Variants in KCNH1 observed in about 807,000 individuals in gnomAD.
The protein encoded by KCNH1 is voltage-gated delayed rectifier potassium channel KCNH1.
A neutral mutation model predicts 69.2 loss-of-function variants in KCNH1; 27 were observed. The observed-to-expected ratio is 0.39, with a 90% confidence interval of 0.29 to 0.54. KCNH1 has a LOEUF of 0.54. KCNH1 is among the 20% of genes least tolerant of loss of function. The probability of loss-of-function intolerance (pLI) is 0.68; values close to 1 mark genes in which losing one functional copy is unlikely to be tolerated. For synonymous variants in KCNH1, 456 were observed against 487.7 expected (o/e 0.93, Z 0.86); for missense variants, 798 against 1,261.6 (o/e 0.63, Z 5.57).
In KCNH1 at chr1:210,678,405, T is replaced by C. The variant is rs1681187016; in HGVS notation, c.*4876A>G. 6.6e-6 allele frequency: 1 copy of C among 152,064 alleles called. No homozygotes were observed. The highest frequency in any genetic ancestry group is 2.4e-5 in the African/African-American group (1 of 41,400). 9.4% of individuals were successfully genotyped at this position (152,064 alleles called of 1,614,324 possible). Reference sequence around the variant, plus strand: ...TTGTTTAAAAATGTTGAGAAGGGAATATCATCAATGGAAGGGCCTGCACGT... The same window carrying C: ...TTGTTTAAAAATGTTGAGAAGGGAACATCATCAATGGAAGGGCCTGCACGT... On this transcript the variant is annotated 3_prime_UTR_variant, in exon 11 of 11. Transcript: ENST00000271751.
At chr1:210,813,025 T>C (rs1684739150) in intron 7 of KCNH1, among the ~76,000 whole-genome samples, 1 of 152,218 alleles carries the variant, frequency 6.6e-6, no homozygotes, top group Admixed American at 6.5e-5. Flanking sequence ...GTCTGCTTGC[T>C]TCCCCCTGGG....
intron 6 of KCNH1, among the ~76,000 whole-genome samples, chr1:210,946,023 T>C (rs1380597681): frequency 6.6e-6 from 1 of 152,206 alleles, no homozygotes; most frequent in Non-Finnish European, 1.5e-5. Context: ...CCCAGAACAC[T>C]GCCAGTATAG....
At chr1:210,718,394 A>T (rs1412949118) in intron 10 of KCNH1, among the ~76,000 whole-genome samples, 3 of 188 alleles carry the variant, frequency 0.016, no homozygotes, top group East Asian at 0.12. Context: ...ATTTATATAT[A>T]AAATATATGC....
At chr1:211,080,086 A>T (rs576681494) in intron 5 of KCNH1, among the ~76,000 whole-genome samples, 3 of 152,306 alleles carry the variant, frequency 2.0e-5, no homozygotes, top group Admixed American at 2.0e-4. Context: ...CTCAGCCCAA[A>T]ATCTCCTTAA....
chr1:211,052,207 A>T (rs1182344920), intron 5 of KCNH1, among the ~76,000 whole-genome samples: 1 of 152,224 alleles, frequency 6.6e-6, no homozygotes, highest in Non-Finnish European at 1.5e-5. Flanking sequence ...GAAAAGAGAG[A>T]GCTGATCAGA....
chr1:210,734,669 C>T (rs942410680), intron 10 of KCNH1, among the ~76,000 whole-genome samples: 1 of 151,988 alleles, frequency 6.6e-6, no homozygotes, highest in Non-Finnish European at 1.5e-5. Flanking sequence ...CCCTCTGCAC[C>T]ATGTATGGAA....
At chr1:211,045,531 G>A (rs1194593669) in intron 5 of KCNH1, among the ~76,000 whole-genome samples, 2 of 152,024 alleles carry the variant, frequency 1.3e-5, no homozygotes, top group Non-Finnish European at 2.9e-5. Flanking sequence ...CTTTACTGAG[G>A]TATGATTGTA....
intron 5 of KCNH1, among the ~76,000 whole-genome samples, chr1:211,033,068 A>G (rs919587534): frequency 6.6e-6 from 1 of 152,262 alleles, no homozygotes; most frequent in Non-Finnish European, 1.5e-5. Flanking sequence ...TTTACAAGAA[A>G]AAAACAAACA....
intron 1 of KCNH1, among the ~76,000 whole-genome samples, chr1:211,114,478 C>A (rs1691531910): frequency 6.6e-6 from 1 of 152,208 alleles, no homozygotes. Context: ...CTATGTATGT[C>A]TGAGTAAATT....
Position 210,775,507 on chromosome 1 carries a change from T to A in KCNH1, c.1953A>T (p.Glu651Asp). 6.2e-7 allele frequency: 1 copy of A among 1,614,032 alleles called. No individual in the cohort carries two copies. Among genetic ancestry groups the A allele is most frequent in the Non-Finnish European group, 8.5e-7 (1 of 1,179,938 alleles). The change falls in exon 10 of 11, where the codon GAA (glutamate) becomes GAT (aspartate). Residue 651 changes from glutamate (E) to aspartate (D), a missense_variant. Physicochemically the swap from Glu to Asp is conservative, Grantham distance 45. Around this residue, in one of 4 missense-constraint regions of KCNH1, gnomAD observed 197 missense variants for 407.7 expected, o/e 0.48. Coordinates refer to ENST00000271751, the MANE Select transcript of KCNH1 (RefSeq NM_172362.3). ...TGGCACAGGACTGGGCAAGGGTGGCTTCCTTCCAGAACACATCTCCAAACA... is the reference window on the plus strand; with the variant it reads ...TGGCACAGGACTGGGCAAGGGTGGCATCCTTCCAGAACACATCTCCAAACA... ...GDVFGDVFWKEATLAQSCANV... is the reference protein window; with the variant it reads ...GDVFGDVFWKDATLAQSCANV...
intron 10 of KCNH1, among the ~76,000 whole-genome samples, chr1:210,702,810 TA>T (rs1681817088): frequency 6.6e-6 from 1 of 152,246 alleles, no homozygotes; most frequent in African/African-American, 2.4e-5. Flanking sequence ...TTTTCCATTT[TA>T]GCCCCTTCTG....
chr1:211,010,703 G>A lies in KCNH1; in HGVS notation c.1032+8080C>T, dbSNP rs892157987. On this transcript the variant is annotated intron_variant, in intron 6 of 10. Coordinates refer to ENST00000271751, the MANE Select transcript of KCNH1 (RefSeq NM_172362.3). Reference sequence around the variant, plus strand: ...AACACCTTGAACTGACCCCTAGAATGCCCCTCACATTCTCTGCCAAGGTCT... The same window carrying A: ...AACACCTTGAACTGACCCCTAGAATACCCCTCACATTCTCTGCCAAGGTCT... 6.2e-4 allele frequency among the ~76,000 whole-genome samples: 94 copies of A among 152,218 alleles called. 1 individual carries two copies. Among genetic ancestry groups the A allele is most frequent in the African/African-American group, 2.3e-3 (94 of 41,544 alleles).
At chr1:211,030,896 C>T (rs961911436) in intron 5 of KCNH1, among the ~76,000 whole-genome samples, 2 of 151,824 alleles carry the variant, frequency 1.3e-5, no homozygotes, top group African/African-American at 4.8e-5. Flanking sequence ...AACCTCAAAA[C>T]TCAACTATAA....
intron 6 of KCNH1, among the ~76,000 whole-genome samples, chr1:210,984,742 T>G (rs1012647978): frequency 7.5e-6 from 1 of 132,854 alleles, no homozygotes; most frequent in African/African-American, 2.7e-5. Context: ...GGTCTAAAAT[T>G]CTCTTTTTTT....
intron 4 of KCNH1, among the ~76,000 whole-genome samples, chr1:211,086,219 G>A (rs1455456122): frequency 6.6e-6 from 1 of 152,122 alleles, no homozygotes; most frequent in Non-Finnish European, 1.5e-5. Flanking sequence ...CCCTACTTCT[G>A]TCTGGGTTTC....
chr1:210,937,523 T>C (rs1442140949), intron 6 of KCNH1, among the ~76,000 whole-genome samples: 1 of 152,192 alleles, frequency 6.6e-6, no homozygotes, highest in Non-Finnish European at 1.5e-5. Flanking sequence ...GGCTAGAGCA[T>C]GGCAGTACTG....
intron 7 of KCNH1, among the ~76,000 whole-genome samples, chr1:210,842,255 A>G (rs1213845717): frequency 6.6e-6 from 1 of 152,216 alleles, no homozygotes; most frequent in African/African-American, 2.4e-5. Flanking sequence ...TTAATAAGAC[A>G]TGAAATTATT....
At chr1:210,920,133 C>A in intron 6 of KCNH1, 64 bp from the exon 7 acceptor site, 1 of 1,435,222 alleles carries the variant, frequency 7.0e-7, no homozygotes, top group African/African-American at 1.4e-5. Context: ...GTCCCCTCCG[C>A]CCCACTTGGG....
chr1:211,023,441 A>C (rs1689626878), intron 5 of KCNH1, among the ~76,000 whole-genome samples: 1 of 151,638 alleles, frequency 6.6e-6, no homozygotes, highest in Non-Finnish European at 1.5e-5. Context: ...ATATTAATGG[A>C]TATATGTACC....
Sources: gnomAD v4.1 joint callset for allele counts (sites outside exome capture counted in the v4.1 genomes callset) on GRCh38, gnomAD v4.1.1 for gene constraint, gnomAD v4.1.1 regional missense constraint, MANE v1.5 for transcripts, NCBI Gene and HGNC (gene_info 2026-07-23, HGNC 2026-07-21) for gene names.